CADM2: variants seen among roughly 807,000 people sequenced by gnomAD.
CADM2 encodes the protein immunoglobulin superfamily member 4D.
Under a neutral mutation model 49.8 loss-of-function variants are expected in CADM2, and 12 were observed. The observed-to-expected ratio is 0.24, with a 90% confidence interval of 0.15 to 0.39. CADM2 has a LOEUF of 0.39. Ranked by LOEUF, CADM2 falls within the 10% of genes least tolerant of loss-of-function variation. The pLI is 1.00. For synonymous variants in CADM2, 214 were observed against 175.4 expected (o/e 1.22, Z -1.74); for missense variants, 378 against 492.3 (o/e 0.77, Z 2.20).
intron 1 of CADM2, among the ~76,000 whole-genome samples, chr3:85,296,603 A>T (rs1450604258): frequency 6.6e-6 from 1 of 152,062 alleles, no homozygotes; most frequent in South Asian, 2.1e-4. Flanking sequence ...GATACCTTAG[A>T]GTCTCACTCC....
chr3:86,032,598 AACTCTATACTTGTAACCATACTT>A (rs1734685854), intron 8 of CADM2, among the ~76,000 whole-genome samples: 1 of 151,928 alleles, frequency 6.6e-6, no homozygotes, highest in Non-Finnish European at 1.5e-5. Context: ...GAATTGACTT[AACTCTATACTTGTAACCATACTT>A]AATGCAGGTT....
chr3:85,523,769 T>A (rs2061086516), intron 1 of CADM2, among the ~76,000 whole-genome samples: 1 of 152,076 alleles, frequency 6.6e-6, no homozygotes, highest in African/African-American at 2.4e-5. Context: ...CAACACATTA[T>A]TAAAGTATAG....
At chr3:86,016,152 A>G (rs1577957773) in intron 8 of CADM2, among the ~76,000 whole-genome samples, 1 of 152,210 alleles carries the variant, frequency 6.6e-6, no homozygotes, top group South Asian at 2.1e-4. Context: ...CTATTTTTTT[A>G]GTACATTCTA....
At chr3:85,278,088 C>A (rs1559755586) in intron 1 of CADM2, among the ~76,000 whole-genome samples, 1 of 149,864 alleles carries the variant, frequency 6.7e-6, no homozygotes, top group Non-Finnish European at 1.5e-5. Flanking sequence ...TTTTATTTCA[C>A]TAATTTTATT....
chr3:85,033,226 C>T (rs1321340441), intron 1 of CADM2, among the ~76,000 whole-genome samples: 2 of 152,156 alleles, frequency 1.3e-5, no homozygotes, highest in African/African-American at 4.8e-5. Context: ...TAGCTGCCAA[C>T]AGTAATTAAA....
chr3:85,734,764 A>G (rs944598922), intron 2 of CADM2, among the ~76,000 whole-genome samples: 4 of 148,490 alleles, frequency 2.7e-5, no homozygotes, highest in African/African-American at 9.8e-5. Context: ...GTATATATAC[A>G]TATACATAAC....
intron 1 of CADM2, among the ~76,000 whole-genome samples, chr3:85,630,365 A>T (rs1221893744): frequency 1.3e-5 from 2 of 151,880 alleles, no homozygotes; most frequent in Non-Finnish European, 2.9e-5. Context: ...TACAACTGGC[A>T]CACAGTGACT....
At chr3:85,810,682 C>A (rs1319008622) in intron 3 of CADM2, among the ~76,000 whole-genome samples, 1 of 151,398 alleles carries the variant, frequency 6.6e-6, no homozygotes. Context: ...TGGAACTATA[C>A]ATGTGCACCA....
chr3:85,221,948 TGAA>T (rs2042053988), intron 1 of CADM2, among the ~76,000 whole-genome samples: 1 of 152,052 alleles, frequency 6.6e-6, no homozygotes, highest in Non-Finnish European at 1.5e-5. Flanking sequence ...TAAATGCAGT[TGAA>T]GAAGAAGAAA....
rs753214857 is a variant in CADM2 at position 86,066,714 on chromosome 3, T to A, written c.1146T>A (p.Ala382=). 1.2e-6 allele frequency: 2 copies of A among 1,614,098 alleles called. No individual in the cohort carries two copies. The highest frequency in any genetic ancestry group is 1.7e-6 in the Non-Finnish European group (2 of 1,179,934). Residue 382 remains alanine, a synonymous_variant, in exon 10 of 10, where the codon GCT becomes GCA. Coordinates refer to ENST00000383699, the MANE Select transcript of CADM2 (RefSeq NM_001167675.2). ...AAGGAGCTGAAGATGCACCAGATGCTGATACAGCCATTATCAATGCTGAAG... is the reference window on the plus strand; with the variant it reads ...AAGGAGCTGAAGATGCACCAGATGCAGATACAGCCATTATCAATGCTGAAG... ...EAKGAEDAPD[A]DTAIINAEGS...
intron 2 of CADM2, among the ~76,000 whole-genome samples, chr3:85,784,984 T>A (rs770572970): frequency 7.2e-5 from 11 of 152,156 alleles, no homozygotes; most frequent in Admixed American, 2.6e-4. Flanking sequence ...CTTTTCAGAT[T>A]TTGTATTTCT....
rs148411926 is a variant in CADM2, at chr3:85,978,630, T to C, written c.970+16983T>C. Among the ~76,000 whole-genome samples the C allele has an allele frequency of 3.4e-4, 51 of 151,720 alleles. No individual in the cohort carries two copies. In the East Asian group the frequency reaches 9.4e-3, roughly 28 times the overall value. ...AGCAAAATAACAATAATAATAACAA[T>C]TGGCTTCTTTTGTTTGTTTGTTTCT... On this transcript the variant is annotated intron_variant, in intron 8 of 9. Transcript: ENST00000383699.
intron 1 of CADM2, among the ~76,000 whole-genome samples, chr3:85,620,172 A>T (rs1307869303): frequency 6.6e-6 from 1 of 152,108 alleles, no homozygotes; most frequent in Non-Finnish European, 1.5e-5. Flanking sequence ...AATTAAAGCT[A>T]ATGAGATGAT....
At chr3:85,397,379 G>T in intron 1 of CADM2, among the ~76,000 whole-genome samples, 1 of 152,098 alleles carries the variant, frequency 6.6e-6, no homozygotes, top group Non-Finnish European at 1.5e-5. Context: ...TTATGTATGT[G>T]ATTATATACA....
intron 8 of CADM2, among the ~76,000 whole-genome samples, chr3:86,056,093 C>T (rs1737955742): frequency 6.6e-6 from 1 of 152,158 alleles, no homozygotes; most frequent in Non-Finnish European, 1.5e-5. Context: ...CCTTTAAAAA[C>T]ATCCTTTTCT....
At chr3:85,830,683 T>C (rs1218461041) in intron 3 of CADM2, among the ~76,000 whole-genome samples, 1 of 151,878 alleles carries the variant, frequency 6.6e-6, no homozygotes, top group Non-Finnish European at 1.5e-5. Context: ...CCATTTCAAG[T>C]TACTTTTGTA....
At chr3:85,768,326 G>A (rs1356588397) in intron 2 of CADM2, among the ~76,000 whole-genome samples, 2 of 151,698 alleles carry the variant, frequency 1.3e-5, no homozygotes, top group East Asian at 3.9e-4. Context: ...GGCACCTGCA[G>A]TCCCAGCTAC....
chr3:85,152,857 C>T (rs1398225513), intron 1 of CADM2, among the ~76,000 whole-genome samples: 9 of 150,448 alleles, frequency 6.0e-5, no homozygotes, highest in Non-Finnish European at 8.8e-5. Flanking sequence ...GCCAGCTACT[C>T]GGGAGGCTGA....
intron 1 of CADM2, among the ~76,000 whole-genome samples, chr3:85,046,868 T>A (rs1254721712): frequency 6.6e-6 from 1 of 151,754 alleles, no homozygotes; most frequent in African/African-American, 2.4e-5. Flanking sequence ...GTGATTAGAA[T>A]ATATATTCTC....
Sources: gnomAD v4.1 joint callset for allele counts (sites outside exome capture counted in the v4.1 genomes callset) on GRCh38, gnomAD v4.1.1 for gene constraint, MANE v1.5 for transcripts, NCBI Gene and HGNC (gene_info 2026-07-23, HGNC 2026-07-21) for gene names.